IQCH: variants seen among roughly 807,000 people sequenced by gnomAD.
IQCH encodes the protein IQ motif containing H.
A neutral mutation model predicts 117.0 loss-of-function variants in IQCH; 98 were observed. The ratio of observed to expected loss-of-function variants is 0.84; its 90% CI spans 0.71 to 0.99. IQCH has a LOEUF of 0.99. IQCH is among the 50% of genes least tolerant of loss of function. The pLI, the probability that IQCH is intolerant of heterozygous loss-of-function variation, is 0.00. For missense variants in IQCH, 1,102 were observed against 1,243.8 expected (o/e 0.89, Z 1.72); for synonymous variants, 412 against 448.2 (o/e 0.92, Z 1.02).
chr15:67,306,847 A>T (rs2140547985), intron 4 of IQCH: 1 of 1,533,884 alleles, frequency 6.5e-7, no homozygotes, highest in East Asian at 2.4e-5. Context: ...AGGTATGTGG[A>T]AACAAGAAGA....
chr15:67,320,699 G>A (rs1968076093), intron 4 of IQCH, among the ~76,000 whole-genome samples: 1 of 152,154 alleles, frequency 6.6e-6, no homozygotes. Flanking sequence ...TAGCTTTACA[G>A]AATGGGCTCC....
chr15:67,348,937 T>C (rs1379819736), intron 6 of IQCH, among the ~76,000 whole-genome samples: 2 of 151,794 alleles, frequency 1.3e-5, no homozygotes, highest in African/African-American at 2.4e-5. Flanking sequence ...GAATAAAGAG[T>C]ACAGAAATAG....
intron 4 of IQCH, among the ~76,000 whole-genome samples, chr15:67,298,677 C>T (rs1391356753): frequency 6.6e-6 from 1 of 151,980 alleles, no homozygotes; most frequent in African/African-American, 2.4e-5. Flanking sequence ...ACCAGCCTGG[C>T]CAACATGATG....
In IQCH at chr15:67,497,024, CAAAAA is replaced by C. The variant is rs753821092; in HGVS notation, c.2970+2678_2970+2682del. 8.9e-4 allele frequency among the ~76,000 whole-genome samples: 32 copies of C among 35,816 alleles called. 1 individual carries two copies. Among genetic ancestry groups the C allele is most frequent in the Admixed American group, 6.2e-3 (23 of 3,728 alleles). The allele number at this position is 35,816 out of a possible 152,430, so 23.5% of individuals were successfully genotyped here. The stretch of plus-strand genomic sequence containing the variant: ...TGGGCGACAGAGCGAGACTCCGTCT[CAAAAA>C]AAAAAAAAAAAAAAAAAAAGTAAAA... On this transcript the variant is annotated intron_variant, in intron 20 of 20. Coordinates refer to ENST00000335894, the MANE Select transcript of IQCH (RefSeq NM_001031715.3).
At position 67,481,925 on chromosome 15, in the gene IQCH, G is replaced by A. The variant is rs138985024; in HGVS notation, c.2799+6107G>A. ...AACTATCTACAGGCAGGAAGTGGGT[G>A]AGAAAGTTTTAAAATTGCTAAGGAT... is the stretch of plus-strand genomic sequence containing the variant. On this transcript the variant is annotated intron_variant, in intron 18 of 20. Coordinates refer to ENST00000335894, the MANE Select transcript of IQCH (RefSeq NM_001031715.3). This position sits in a 1 kb window ranked among gnomAD's most constrained non-coding sequence, Gnocchi z 4.1. Among the ~76,000 whole-genome samples the A allele has an allele frequency of 6.6e-6, 1 of 152,180 alleles. No homozygotes were observed. Among genetic ancestry groups the A allele is most frequent in the Non-Finnish European group, 1.5e-5 (1 of 68,040 alleles).
At chr15:67,382,707 C>G (rs937219850) in intron 10 of IQCH, among the ~76,000 whole-genome samples, 2 of 152,216 alleles carry the variant, frequency 1.3e-5, no homozygotes, top group African/African-American at 4.8e-5. Flanking sequence ...AGACAAGACA[C>G]TTACCTTGAG....
At chr15:67,371,557 C>A in intron 8 of IQCH, 1 of 1,392,172 alleles carries the variant, frequency 7.2e-7, no homozygotes, top group Non-Finnish European at 1.0e-6. Flanking sequence ...ACATAATGTT[C>A]CTTGTAAAAA....
chr15:67,461,850 T>C (rs575626917), intron 16 of IQCH, among the ~76,000 whole-genome samples: 1 of 152,302 alleles, frequency 6.6e-6, no homozygotes, highest in South Asian at 2.1e-4. Context: ...CAATTACGTA[T>C]GGGGACAACA....
chr15:67,372,801 C>T, intron 9 of IQCH, 139 bp downstream of exon 9: 1 of 670,648 alleles, frequency 1.5e-6, no homozygotes, highest in Non-Finnish European at 2.5e-6. Flanking sequence ...CCTTTCACTC[C>T]CCTCAATGTA....
intron 20 of IQCH, among the ~76,000 whole-genome samples, chr15:67,495,037 C>T (rs1026755742): frequency 6.6e-6 from 1 of 152,290 alleles, no homozygotes; most frequent in Non-Finnish European, 1.5e-5. Flanking sequence ...GAGATGATCA[C>T]GTGGTATTGA....
chr15:67,371,990 C>T, intron 8 of IQCH, 121 bp from the exon 9 acceptor site: 1 of 855,602 alleles, frequency 1.2e-6, no homozygotes, highest in Non-Finnish European at 1.8e-6. Flanking sequence ...TAAATCAGTG[C>T]TAGGATTCAT....
At position 67,496,788 on chromosome 15, in the gene IQCH, G is replaced by A. The variant is rs1056437169; in HGVS notation, c.2970+2422G>A. Among the ~76,000 whole-genome samples, 4 of 151,944 alleles carry A rather than the reference G, an allele frequency of 2.6e-5. No homozygotes were observed. Among genetic ancestry groups the A allele is most frequent in the African/African-American group, 7.3e-5 (3 of 41,360 alleles). On this transcript the variant is annotated intron_variant, in intron 20 of 20. Coordinates refer to ENST00000335894, the MANE Select transcript of IQCH (RefSeq NM_001031715.3). The surrounding 1 kb of genome is among the most constrained non-coding windows in gnomAD (Gnocchi z 4.4). The stretch of plus-strand genomic sequence containing the variant: ...AATCCCAGCACTTTGGGAGGCCGAG[G>A]CTGGTGGATCATGAGGTCAGGAGAT...
intron 4 of IQCH, among the ~76,000 whole-genome samples, chr15:67,331,462 T>A (rs1003267893): frequency 6.6e-6 from 1 of 152,018 alleles, no homozygotes; most frequent in African/African-American, 2.4e-5. Flanking sequence ...AAACTATAAA[T>A]ACAATGAACA....
Position 67,475,201 on chromosome 15 carries a change from G to A in IQCH, c.2677-495G>A, listed in dbSNP as rs2083173235. Among the ~76,000 whole-genome samples, 1 of 152,258 alleles carries A rather than the reference G, an allele frequency of 6.6e-6. No homozygotes were observed. The highest frequency in any genetic ancestry group is 2.4e-5 in the African/African-American group (1 of 41,464). On this transcript the variant is annotated intron_variant, in intron 17 of 20. Transcript: ENST00000335894. The surrounding 1 kb of genome is among the most constrained non-coding windows in gnomAD (Gnocchi z 5.7). ...TATGTTAATAGTAATGTAGGGCCAG[G>A]TGTGGTGGCTCACGCCGGTAATTCC...
chr15:67,341,004 G>A (rs1969145990), intron 5 of IQCH, among the ~76,000 whole-genome samples: 1 of 152,104 alleles, frequency 6.6e-6, no homozygotes, highest in South Asian at 2.1e-4. Context: ...TGGAGTCCGG[G>A]AGTTTGAGAC....
chr15:67,330,983 G>T (rs536108202), intron 4 of IQCH, among the ~76,000 whole-genome samples: 6 of 152,260 alleles, frequency 3.9e-5, no homozygotes, highest in African/African-American at 1.4e-4. Flanking sequence ...AACCCAGAAT[G>T]CCCAGTTCTC....
chr15:67,323,794 A>G (rs923253064), intron 4 of IQCH, among the ~76,000 whole-genome samples: 2 of 152,126 alleles, frequency 1.3e-5, no homozygotes, highest in African/African-American at 4.8e-5. Context: ...TGCACACTGT[A>G]TAATAATTTT....
chr15:67,287,142 T>C (rs1029625515), intron 4 of IQCH, among the ~76,000 whole-genome samples: 2 of 152,244 alleles, frequency 1.3e-5, no homozygotes, highest in African/African-American at 4.8e-5. Flanking sequence ...TGATGAATTA[T>C]CTTCTTAATG....
chr15:67,373,044 A>G (rs1198563523), intron 9 of IQCH, among the ~76,000 whole-genome samples: 1 of 152,056 alleles, frequency 6.6e-6, no homozygotes, highest in East Asian at 1.9e-4. Context: ...TCTCTTGTCT[A>G]CATTGCTGTC....
Sources: gnomAD v4.1 joint callset for allele counts (sites outside exome capture counted in the v4.1 genomes callset) on GRCh38, gnomAD v4.1.1 for gene constraint, Gnocchi (gnomAD v3.1) non-coding constraint, MANE v1.5 for transcripts, NCBI Gene and HGNC (gene_info 2026-07-23, HGNC 2026-07-21) for gene names.